The following MAP3K13 variants were observed in gnomAD, a reference collection of about 807,000 sequenced individuals.
MAP3K13 encodes mitogen-activated protein kinase kinase kinase 13, also known as leucine zipper-bearing kinase.
MAP3K13 carries 52 observed loss-of-function variants against 104.0 expected under a neutral mutation model. That is an observed-to-expected ratio of 0.50 (90% CI 0.40 to 0.63). The LOEUF (loss-of-function observed/expected upper bound fraction) is 0.63, where lower values mean the gene tolerates loss of function less well. Ranked by LOEUF, MAP3K13 falls within the 20% of genes least tolerant of loss-of-function variation. The probability of loss-of-function intolerance (pLI) is 0.00; values close to 1 mark genes in which losing one functional copy is unlikely to be tolerated. For missense variants in MAP3K13, 914 were observed against 1,218.5 expected (o/e 0.75, Z 3.72); for synonymous variants, 394 against 442.2 (o/e 0.89, Z 1.37).
chr3:185,396,083 A>G (rs1173334631), intron 1 of MAP3K13, among the ~76,000 whole-genome samples: 4 of 151,880 alleles, frequency 2.6e-5, no homozygotes, highest in Admixed American at 6.6e-5. Context: ...ACAAATAGGT[A>G]TATTCGGCCA....
intron 1 of MAP3K13, among the ~76,000 whole-genome samples, chr3:185,373,480 A>G (rs1724257197): frequency 6.6e-6 from 1 of 152,084 alleles, no homozygotes; most frequent in South Asian, 2.1e-4. Context: ...CGACTCTGCT[A>G]AAAATACAAA....
chr3:185,485,660 C>A lies in MAP3K13; in HGVS notation c.*3204C>A, dbSNP rs887973249. On this transcript the variant is annotated 3_prime_UTR_variant, in exon 14 of 14. Coordinates refer to ENST00000265026, the MANE Select transcript of MAP3K13 (RefSeq NM_004721.5). ...AGTACCCCTATTTAATTAATAATAG[C>A]CCCAAAGGGCAAGAGTGCTGTGCCT... 2 of 151,808 alleles carry A rather than the reference C, an allele frequency of 1.3e-5. No individual in the cohort carries two copies. Among genetic ancestry groups the A allele is most frequent in the Non-Finnish European group, 2.9e-5 (2 of 67,980 alleles). The allele number at this position is 151,808 out of a possible 1,614,324, so 9.4% of individuals were successfully genotyped here.
chr3:185,421,536 C>T (rs1290467427), intron 1 of MAP3K13, among the ~76,000 whole-genome samples: 2 of 152,208 alleles, frequency 1.3e-5, no homozygotes, highest in Non-Finnish European at 2.9e-5. Flanking sequence ...CCATTCCAAA[C>T]TTGCCCTTTA....
Position 185,482,380 on chromosome 3 carries a change from A to G in MAP3K13, c.2825A>G (p.Asp942Gly). ...AACCCCATGCAGTTTGAAGAATCGG[A>G]CTGTGACTCTTCAGATGGGGAGTGT... Reference protein sequence around the residue: ...YENPMQFEESDCDSSDGECSD... With the variant: ...YENPMQFEESGCDSSDGECSD... Residue 942 changes from aspartate to glycine, a missense_variant, in exon 14 of 14, where the codon GAC becomes GGC. Transcript: ENST00000265026. The surrounding 1 kb of genome is among the most constrained non-coding windows in gnomAD (Gnocchi z 4.5). The G allele has an allele frequency of 6.2e-7, 1 of 1,614,074 alleles. No individual in the cohort carries two copies. Among genetic ancestry groups the G allele is most frequent in the Non-Finnish European group, 8.5e-7 (1 of 1,179,900 alleles).
At chr3:185,325,291 G>A (rs1259476019) in intron 2 of MAP3K13, among the ~76,000 whole-genome samples, 1 of 152,106 alleles carries the variant, frequency 6.6e-6, no homozygotes, top group Non-Finnish European at 1.5e-5. Context: ...AAGAATGAGG[G>A]GGTTCTCTCA....
intron 7 of MAP3K13, among the ~76,000 whole-genome samples, chr3:185,454,602 G>GATATATATAATATATATATGATATAT: frequency 7.7e-5 from 1 of 12,944 alleles, no homozygotes; most frequent in East Asian, 1.9e-3. Context: ...AGATATATAT[G>GATATATATAATATATATATGATATAT]AGATATATAT....
Position 185,381,498 on chromosome 3 carries a change from T to A in MAP3K13, c.-86+18130T>A, listed in dbSNP as rs1724720281. On this transcript the variant is annotated intron_variant, in intron 1 of 13. Transcript: ENST00000265026. ...ACAACAGCAAAAAAACTGAGTCACC[T>A]GACATAACACACTCCCAGCTGGGGT... 1.3e-5 allele frequency among the ~76,000 whole-genome samples: 2 copies of A among 152,342 alleles called. 1 individual carries two copies. Among genetic ancestry groups the A allele is most frequent in the South Asian group, 4.1e-4 (2 of 4,826 alleles).
At chr3:185,352,088 G>A (rs1299868861) in intron 2 of MAP3K13, among the ~76,000 whole-genome samples, 2 of 152,124 alleles carry the variant, frequency 1.3e-5, no homozygotes, top group Non-Finnish European at 2.9e-5. Flanking sequence ...GTGGTCACGT[G>A]TACAGCCAGG....
At chr3:185,431,537 T>A (rs1714742665) in intron 2 of MAP3K13, among the ~76,000 whole-genome samples, 1 of 152,226 alleles carries the variant, frequency 6.6e-6, no homozygotes, top group African/African-American at 2.4e-5. Flanking sequence ...CATATCTTTG[T>A]GGCCTTATGT....
chr3:185,360,063 T>C (rs1335886242), upstream of MAP3K13, among the ~76,000 whole-genome samples: 1 of 152,180 alleles, frequency 6.6e-6, no homozygotes, highest in Non-Finnish European at 1.5e-5. Context: ...ATAATGAGAC[T>C]AGAGTCATTT....
At chr3:185,475,559 T>A (rs1170620578) in intron 11 of MAP3K13, among the ~76,000 whole-genome samples, 1 of 152,158 alleles carries the variant, frequency 6.6e-6, no homozygotes, top group Non-Finnish European at 1.5e-5. Flanking sequence ...GAGATTAAAT[T>A]GTGTTTCAGG....
intron 2 of MAP3K13, among the ~76,000 whole-genome samples, chr3:185,341,066 T>G (rs1201137920): frequency 2.0e-5 from 3 of 152,192 alleles, no homozygotes; most frequent in Non-Finnish European, 4.4e-5. Flanking sequence ...TAAATGTGAA[T>G]TTTGGGGGCA....
chr3:185,381,312 A>G (rs1014896412), intron 1 of MAP3K13, among the ~76,000 whole-genome samples: 3 of 152,242 alleles, frequency 2.0e-5, no homozygotes, highest in African/African-American at 7.2e-5. Context: ...TTATTTTAAT[A>G]GAAAATAAAT....
chr3:185,328,050 G>A (rs1159665170), intron 2 of MAP3K13, among the ~76,000 whole-genome samples: 1 of 151,884 alleles, frequency 6.6e-6, no homozygotes, highest in Non-Finnish European at 1.5e-5. Flanking sequence ...AGCTCAGAAG[G>A]GAAAGAAGCT....
chr3:185,291,707 A>G (rs1234139246), intron 2 of MAP3K13: 1 of 1,522,120 alleles, frequency 6.6e-7, no homozygotes, highest in Non-Finnish European at 8.7e-7. Flanking sequence ...GATCTTCTTC[A>G]GAAGCTTCAA....
chr3:185,467,654 G>T (rs1052827676), intron 10 of MAP3K13, among the ~76,000 whole-genome samples: 1 of 151,834 alleles, frequency 6.6e-6, no homozygotes, highest in African/African-American at 2.4e-5. Flanking sequence ...GTGGTGGCAC[G>T]TGCCTGTAAT....
upstream of MAP3K13, among the ~76,000 whole-genome samples, chr3:185,361,109 TG>T (rs1444003876): frequency 6.6e-6 from 1 of 151,034 alleles, no homozygotes; most frequent in African/African-American, 2.4e-5. Context: ...TGTGTGTGTG[TG>T]TGTGTGTGTG....
chr3:185,340,752 C>A (rs2108719503), intron 2 of MAP3K13, among the ~76,000 whole-genome samples: 1 of 152,182 alleles, frequency 6.6e-6, no homozygotes, highest in Non-Finnish European at 1.5e-5. Context: ...CTCACAAGAT[C>A]TGATGGTTTT....
intron 2 of MAP3K13, chr3:185,291,529 T>C: frequency 2.4e-6 from 3 of 1,230,856 alleles, no homozygotes; most frequent in Non-Finnish European, 3.3e-6. Flanking sequence ...GATTAATTAC[T>C]GACCCAAAAG....
Sources: allele counts gnomAD v4.1 joint callset (sites outside exome capture counted in the v4.1 genomes callset), GRCh38; gene constraint gnomAD v4.1.1; non-coding constraint Gnocchi (gnomAD v3.1); transcripts MANE v1.5; gene names NCBI Gene and HGNC (gene_info 2026-07-23, HGNC 2026-07-21).